The following NPR1 variants were observed in gnomAD, a reference collection of about 807,000 sequenced individuals.
NPR1 encodes the protein atrial natriuretic peptide receptor 1.
In NPR1, 57 loss-of-function variants were observed where a neutral mutation model predicts 116.9. The ratio of observed to expected loss-of-function variants is 0.49; its 90% CI spans 0.39 to 0.61. NPR1 has a LOEUF of 0.61. Ranked by LOEUF, NPR1 falls within the 20% of genes least tolerant of loss-of-function variation. The pLI is 0.00. For missense variants in NPR1, 1,096 were observed against 1,409.8 expected, an observed-to-expected ratio of 0.78 and a Z score of 3.56; for synonymous variants, 555 against 601.6, an observed-to-expected ratio of 0.92 and a Z score of 1.13.
intron 21 of NPR1, 29 bp downstream of exon 21, chr1:153,693,226 C>A (rs1670152611): frequency 1.2e-6 from 2 of 1,605,952 alleles, no homozygotes; most frequent in Non-Finnish European, 1.7e-6. Flanking sequence ...GCCCTCCCCA[C>A]CTTTTGGGGT....
rs13305997 is a variant in NPR1 at position 153,679,146 on chromosome 1, G to C, written c.38G>C (p.Arg13Pro). 5 of 1,475,070 alleles carry C rather than the reference G, an allele frequency of 3.4e-6. No homozygotes were observed. Among genetic ancestry groups the C allele is most frequent in the Non-Finnish European group, 3.6e-6 (4 of 1,121,702 alleles). The allele number at this position is 1,475,070 out of a possible 1,614,324, so 91.4% of individuals were successfully genotyped here. The change falls in exon 1 of 22, where the codon CGC becomes CCC. Residue 13 changes from arginine to proline, a missense_variant. By Grantham distance (103) the Arg-to-Pro change is moderately radical (BLOSUM62 -2). Coordinates refer to ENST00000368680, the MANE Select transcript of NPR1 (RefSeq NM_000906.4). The surrounding 1 kb of genome is among the most constrained non-coding windows in gnomAD (Gnocchi z 4.2). ...GPRRPAGSRL[R>P]LLLLLLLPPL... The stretch of plus-strand genomic sequence containing the variant: ...CGGCGCCCCGCTGGCTCCCGCCTGC[G>C]CCTGCTCCTGCTCCTGCTGCTGCCG...
rs777736044 is a variant in NPR1, at chr1:153,681,287, T to C, written c.1029T>C (p.Asp343=). Residue 343 remains aspartate, a synonymous_variant, in exon 3 of 22, where the codon GAT becomes GAC. Coordinates refer to ENST00000368680, the MANE Select transcript of NPR1 (RefSeq NM_000906.4). ...AYEQFNFTME[D]GLVNTIPASF... is the part of the protein sequence containing the mutation. ...AGCAGTTCAACTTCACCATGGAGGA[T>C]GGCCTGGTAAGAAGGGGTCCCGGGA... The C allele has an allele frequency of 2.5e-6, 4 of 1,602,136 alleles. No individual in the cohort carries two copies. The highest frequency in any genetic ancestry group is 3.3e-5 in the Admixed American group (2 of 59,988).
At chr1:153,687,950 G>T in intron 14 of NPR1, 103 bp from the exon 15 acceptor site, 1 of 1,103,954 alleles carries the variant, frequency 9.1e-7, no homozygotes, top group Non-Finnish European at 1.3e-6. Context: ...CCGCCCCCAT[G>T]CCTTGGTCTT....
rs369540382 is a variant in NPR1, at chr1:153,689,429, C to G, written c.2689-24C>G. Reference sequence around the variant, plus strand: ...AGGTGGGGTCCCCTACTTCCTGTCTCTCTTAGCTTCTCTTCCCTTCCAGGT... The same window carrying G: ...AGGTGGGGTCCCCTACTTCCTGTCTGTCTTAGCTTCTCTTCCCTTCCAGGT... On this transcript the variant is annotated intron_variant, in intron 17 of 21. Coordinates refer to ENST00000368680, the MANE Select transcript of NPR1 (RefSeq NM_000906.4). This position sits in a 1 kb window ranked among gnomAD's most constrained non-coding sequence, Gnocchi z 5.1. The G allele has an allele frequency of 7.1e-5, 115 of 1,613,946 alleles. No homozygotes were observed. The African/African-American group carries it at 1.4e-3, about 20-fold the overall frequency.
intron 20 of NPR1, 35 bp downstream of exon 20, chr1:153,690,417 C>T: frequency 6.7e-7 from 1 of 1,494,300 alleles, no homozygotes; most frequent in Non-Finnish European, 9.1e-7. Context: ...ATGGGGAGGG[C>T]AGGGTGGCTG....
chr1:153,687,689 C>T lies in NPR1; in HGVS notation c.2148C>T (p.Gly716=). 6.2e-7 allele frequency: 1 copy of T among 1,606,792 alleles called. No homozygotes were observed. The highest frequency in any genetic ancestry group is 8.5e-7 in the Non-Finnish European group (1 of 1,174,088). Residue 716 remains glycine, a synonymous_variant, in exon 14 of 22, where the codon GGC becomes GGT. Transcript: ENST00000368680. ...LLRMASPPVR[G]SQAGDVYSFG... Reference sequence around the variant, plus strand: ...GAATGGCTTCACCCCCTGTGCGGGGCTCCCAGGCTGGTGACGTATACAGCT... The same window carrying T: ...GAATGGCTTCACCCCCTGTGCGGGGTTCCCAGGCTGGTGACGTATACAGCT...
chr1:153,685,215 G>A (rs368070543), intron 8 of NPR1, 131 bp downstream of exon 8: 63 of 1,233,046 alleles, frequency 5.1e-5, no homozygotes, highest in South Asian at 6.0e-5. Context: ...GACCTTGAGC[G>A]ACTCATAGTC....
Position 153,693,708 on chromosome 1 carries a change from C to T in NPR1, c.*294C>T. 2 of 409,412 alleles carry T rather than the reference C, an allele frequency of 4.9e-6. No individual in the cohort carries two copies. The highest frequency in any genetic ancestry group is 8.6e-6 in the Non-Finnish European group (2 of 233,098). 25.4% of individuals were successfully genotyped at this position (409,412 alleles called of 1,614,324 possible). ...CTCAGGCCGGGCTGGGCTGTGGATT[C>T]CTGATCCCCTCCCCTCCCCATGCTC... On this transcript the variant is annotated 3_prime_UTR_variant, in exon 22 of 22. Coordinates refer to ENST00000368680, the MANE Select transcript of NPR1 (RefSeq NM_000906.4).
chr1:153,685,943 C>G, intron 9 of NPR1, 63 bp downstream of exon 9: 1 of 1,514,160 alleles, frequency 6.6e-7, no homozygotes, highest in Non-Finnish European at 9.2e-7. Context: ...TGATGGAGGA[C>G]TGGTGGGGGG....
intron 2 of NPR1, 42 bp from the exon 3 acceptor site, chr1:153,681,138 G>A (rs1221314961): frequency 7.9e-7 from 1 of 1,262,652 alleles, no homozygotes; most frequent in East Asian, 2.3e-5. Context: ...CTAGGGAATA[G>A]TCAGCTCCCA....
At position 153,679,038 on chromosome 1, in the gene NPR1, GGCCGCTGA is replaced by G. The variant is rs1418329256; in HGVS notation, c.-67_-60del. The G allele has an allele frequency of 7.7e-5, 105 of 1,369,926 alleles. No homozygotes were observed. The East Asian group carries it at 3.2e-3, about 41-fold the overall frequency. 84.9% of individuals were successfully genotyped at this position (1,369,926 alleles called of 1,614,324 possible). On this transcript the variant is annotated 5_prime_UTR_variant, in exon 1 of 22. An upstream open reading frame in the 5' UTR loses its in-frame stop. Transcript: ENST00000368680. This position sits in a 1 kb window ranked among gnomAD's most constrained non-coding sequence, Gnocchi z 4.2. ...AGGGACGCGCCTGATGCCTGGGACCGGCCGCTGAGCCCAAGGGGACCGAGGAGGCCATG... is the reference window on the plus strand; with the variant it reads ...AGGGACGCGCCTGATGCCTGGGACCGGCCCAAGGGGACCGAGGAGGCCATG...
At chr1:153,686,506 G>C (rs1669932321) in intron 10 of NPR1, 140 bp from the exon 11 acceptor site, 7 of 751,558 alleles carry the variant, frequency 9.3e-6, no homozygotes, top group Non-Finnish European at 1.6e-5. Flanking sequence ...GGACATGGGT[G>C]GGAATCACCA....
chr1:153,692,953 G>A (rs1388157698), intron 20 of NPR1, among the ~76,000 whole-genome samples, 153 bp from the exon 21 acceptor site: 1 of 152,160 alleles, frequency 6.6e-6, no homozygotes, highest in Non-Finnish European at 1.5e-5. Context: ...AGGGGGTGGG[G>A]CCCCTCTGAG....
At chr1:153,681,005 C>T in intron 2 of NPR1, 175 bp from the exon 3 acceptor site, 6 of 602,110 alleles carry the variant, frequency 1.0e-5, no homozygotes, top group East Asian at 2.8e-5. Context: ...GAAGGCATCC[C>T]ATTGGATCCC....
intron 20 of NPR1, among the ~76,000 whole-genome samples, 177 bp from the exon 21 acceptor site, chr1:153,692,929 C>T (rs1055157155): frequency 1.3e-5 from 2 of 152,138 alleles, no homozygotes; most frequent in African/African-American, 4.8e-5. Context: ...CTAATGTGGT[C>T]ACGCACTACA....
At chr1:153,681,481 G>A (rs1344377234) in intron 3 of NPR1, 188 bp downstream of exon 3, 5 of 638,590 alleles carry the variant, frequency 7.8e-6, no homozygotes, top group Admixed American at 2.9e-5. Context: ...GTCATCATCA[G>A]TAATATGGAG....
Position 153,686,209 on chromosome 1 carries a change from G to C in NPR1, c.1758+9G>C, listed in dbSNP as rs1286657632. On this transcript the variant is annotated intron_variant, in intron 10 of 21. Coordinates refer to ENST00000368680, the MANE Select transcript of NPR1 (RefSeq NM_000906.4). The stretch of plus-strand genomic sequence containing the variant: ...TGTTTGAACTGAAGCATGTAATGTG[G>C]GGAGTGAGGCAGTGGCATGGAGAAG... The C allele has an allele frequency of 1.2e-6, 2 of 1,613,752 alleles. No homozygotes were observed. The highest frequency in any genetic ancestry group is 8.5e-7 in the Non-Finnish European group (1 of 1,179,712).
In NPR1 at chr1:153,689,159, CTGA is replaced by C; in HGVS notation, c.2565-27_2565-25del. On this transcript the variant is annotated intron_variant, in intron 16 of 21. Transcript: ENST00000368680. This position sits in a 1 kb window ranked among gnomAD's most constrained non-coding sequence, Gnocchi z 5.1. Reference sequence around the variant, plus strand: ...AAAGCCCCTGTCCCGACCCCCAACTCTGATCCTGCACCTGCCCTGACCCCTTAG... The same window carrying C: ...AAAGCCCCTGTCCCGACCCCCAACTCTCCTGCACCTGCCCTGACCCCTTAG... 1 of 1,614,200 alleles carries C rather than the reference CTGA, an allele frequency of 6.2e-7. No individual in the cohort carries two copies. The highest frequency in any genetic ancestry group is 8.5e-7 in the Non-Finnish European group (1 of 1,180,022).
At chr1:153,688,353 C>A (rs1669994139) in intron 15 of NPR1, 132 bp downstream of exon 15, 3 of 890,186 alleles carry the variant, frequency 3.4e-6, no homozygotes, top group Non-Finnish European at 5.1e-6. Context: ...ATAGTCAGCT[C>A]CAGCTCAGCA....
Sources: gnomAD v4.1 joint callset for allele counts (sites outside exome capture counted in the v4.1 genomes callset) on GRCh38, gnomAD v4.1.1 for gene constraint, Gnocchi (gnomAD v3.1) non-coding constraint, MANE v1.5 for transcripts, NCBI Gene and HGNC (gene_info 2026-07-23, HGNC 2026-07-21) for gene names.